FA2H: variants seen among roughly 807,000 people sequenced by gnomAD.
FA2H encodes fatty acid alpha-hydroxylase.
FA2H carries 22 observed loss-of-function variants against 44.9 expected under a neutral mutation model. The ratio of observed to expected loss-of-function variants is 0.49; its 90% CI spans 0.35 to 0.70. The LOEUF is 0.70. Ranked by LOEUF, FA2H falls within the 30% of genes least tolerant of loss-of-function variation. FA2H has a pLI of 0.01. For missense variants in FA2H, 501 were observed against 504.9 expected (o/e 0.99, Z 0.07); for synonymous variants, 243 against 213.2 (o/e 1.14, Z -1.22).
intron 6 of FA2H, 96 bp downstream of exon 6, chr16:74,716,251 G>A: frequency 1.4e-6 from 2 of 1,433,150 alleles, no homozygotes; most frequent in Admixed American, 1.8e-5. Context: ...CCCCGTACAT[G>A]GAACAGTGCC....
At chr16:74,740,192 A>C in intron 1 of FA2H, 77 bp from the exon 2 acceptor site, 1 of 1,207,082 alleles carries the variant, frequency 8.3e-7, no homozygotes, top group East Asian at 2.3e-5. Flanking sequence ...CCCCGAGAAG[A>C]GGCAGCCAGG....
intron 1 of FA2H, among the ~76,000 whole-genome samples, chr16:74,756,537 G>A (rs1222408395): frequency 5.9e-5 from 9 of 152,108 alleles, no homozygotes; most frequent in Admixed American, 5.9e-4. Flanking sequence ...ACAGGCTCCA[G>A]AATCACTCCC....
Position 74,716,549 on chromosome 16 carries a change from C to T in FA2H, c.837G>A (p.Leu279=). The change falls in exon 6 of 7, where the codon CTG becomes CTA. Residue 279 remains leucine, a synonymous_variant. Coordinates refer to ENST00000219368, the MANE Select transcript of FA2H (RefSeq NM_024306.5). ...RLVFPPVPAS[L]VIGVFYLCMQ... is the part of the protein sequence containing the mutation. ...TGCACAAGTAGAAGACGCCGATCAC[C>T]AGGGAGGCTGGCACAGGGGGGAAGA... 1 of 1,605,228 alleles carries T rather than the reference C, an allele frequency of 6.2e-7. No homozygotes were observed. Among genetic ancestry groups the T allele is most frequent in the Non-Finnish European group, 8.5e-7 (1 of 1,176,094 alleles).
chr16:74,714,263 C>T lies in FA2H; in HGVS notation c.1046G>A (p.Gly349Asp). The change falls in exon 7 of 7, where the codon GGT becomes GAT. Residue 349 changes from glycine (G) to aspartate (D), a missense_variant. Physicochemically the swap from Gly to Asp is moderately conservative, Grantham distance 94 (BLOSUM62 -1). Coordinates refer to ENST00000219368, the MANE Select transcript of FA2H (RefSeq NM_024306.5). The part of the protein sequence containing the change: ...HHFAHQKSGF[G>D]ISTKLWDYCF... Reference sequence around the variant, plus strand: ...GTAATCCCACAATTTAGTGCTGATACCAAATCCTAGAGAGGGAGACAAACG... The same window carrying T: ...GTAATCCCACAATTTAGTGCTGATATCAAATCCTAGAGAGGGAGACAAACG... 1 of 1,557,210 alleles carries T rather than the reference C, an allele frequency of 6.4e-7. No homozygotes were observed. Among genetic ancestry groups the T allele is most frequent in the Non-Finnish European group, 8.7e-7 (1 of 1,149,146 alleles).
intron 2 of FA2H, among the ~76,000 whole-genome samples, chr16:74,733,021 G>A (rs1004134759): frequency 2.0e-5 from 3 of 152,198 alleles, no homozygotes; most frequent in Non-Finnish European, 4.4e-5. Context: ...CTGTACACAT[G>A]GTGGACTTGT....
chr16:74,713,440 A>C lies in FA2H; in HGVS notation c.*750T>G, dbSNP rs1402791643. On this transcript the variant is annotated 3_prime_UTR_variant, in exon 7 of 7. Transcript: ENST00000219368. ...TAGGGGCCTGAGCGGGGTGGAGGCCAAGAATGGCCAGGGACGGGGTGGGGC... is the reference window on the plus strand; with the variant it reads ...TAGGGGCCTGAGCGGGGTGGAGGCCCAGAATGGCCAGGGACGGGGTGGGGC... 1 of 152,294 alleles carries C rather than the reference A, an allele frequency of 6.6e-6. No individual in the cohort carries two copies. The allele number at this position is 152,294 out of a possible 1,614,324, so 9.4% of individuals were successfully genotyped here.
chr16:74,733,997 C>G (rs1962131324), intron 2 of FA2H, among the ~76,000 whole-genome samples: 1 of 152,226 alleles, frequency 6.6e-6, no homozygotes, highest in African/African-American at 2.4e-5. Flanking sequence ...GGGCACCACG[C>G]CCTTCCACCC....
intron 1 of FA2H, among the ~76,000 whole-genome samples, chr16:74,772,476 G>T (rs1314079542): frequency 6.6e-6 from 1 of 152,162 alleles, no homozygotes; most frequent in South Asian, 2.1e-4. Context: ...AATTCGTTTT[G>T]TTCATTGATA....
chr16:74,764,904 G>C (rs182369168), intron 1 of FA2H, among the ~76,000 whole-genome samples: 1 of 152,004 alleles, frequency 6.6e-6, no homozygotes, highest in Non-Finnish European at 1.5e-5. Context: ...CATGAGGACT[G>C]GGGGGGTCTT....
intron 1 of FA2H, among the ~76,000 whole-genome samples, chr16:74,753,139 C>T (rs1417455839): frequency 6.6e-6 from 1 of 152,224 alleles, no homozygotes; most frequent in Non-Finnish European, 1.5e-5. Context: ...TCACTGTAGC[C>T]ACACAGAATC....
intron 1 of FA2H, chr16:74,741,268 T>A (rs564795669): frequency 2.0e-5 from 3 of 152,222 alleles, no homozygotes; most frequent in Admixed American, 1.3e-4. Flanking sequence ...AAGCTGGGCA[T>A]TGGCCGGCGG....
rs1204169977 is a variant in FA2H at position 74,727,289 on chromosome 16, C to A, written c.461G>T (p.Arg154Leu). Residue 154 changes from arginine to leucine, a missense_variant, in exon 3 of 7, where the codon CGC becomes CTC. Transcript: ENST00000219368. Reference protein sequence around the residue: ...WVHQPVTRPIRLFHSDLIEGL... With the variant: ...WVHQPVTRPILLFHSDLIEGL... ...CTCAATGAGGTCTGAGTGGAAGAGG[C>A]GGATGGGCCTGGTCACCGGCTGGTG... 4 of 1,614,132 alleles carry A rather than the reference C, an allele frequency of 2.5e-6. No individual in the cohort carries two copies. The highest frequency in any genetic ancestry group is 3.4e-6 in the Non-Finnish European group (4 of 1,180,028).
chr16:74,730,877 G>A (rs1172319434), intron 2 of FA2H, among the ~76,000 whole-genome samples: 1 of 152,162 alleles, frequency 6.6e-6, no homozygotes, highest in African/African-American at 2.4e-5. Context: ...AACCGAGGCT[G>A]AGTAATCTGC....
intron 1 of FA2H, among the ~76,000 whole-genome samples, chr16:74,749,152 T>TC (rs1362759883): frequency 6.6e-6 from 1 of 152,080 alleles, no homozygotes. Context: ...CAGGGAGCAG[T>TC]CCCCTTCGAG....
At chr16:74,738,104 C>T (rs1715137526) in intron 2 of FA2H, among the ~76,000 whole-genome samples, 1 of 152,208 alleles carries the variant, frequency 6.6e-6, no homozygotes, top group African/African-American at 2.4e-5. Flanking sequence ...CACACCCGGG[C>T]AGGTGGGGGC....
intron 1 of FA2H, among the ~76,000 whole-genome samples, chr16:74,771,351 C>G (rs538695496): frequency 2.0e-5 from 3 of 151,862 alleles, no homozygotes; most frequent in African/African-American, 7.2e-5. Context: ...CCACCACGCC[C>G]AGCTAATTTT....
At chr16:74,755,878 TA>T (rs35281734) in intron 1 of FA2H, among the ~76,000 whole-genome samples, 6 of 151,530 alleles carry the variant, frequency 4.0e-5, no homozygotes, top group African/African-American at 9.7e-5. Context: ...TTCATATAGT[TA>T]AAAAAAAATC....
intron 1 of FA2H, among the ~76,000 whole-genome samples, chr16:74,763,156 T>A (rs1457554225): frequency 6.6e-6 from 1 of 152,224 alleles, no homozygotes; most frequent in South Asian, 2.1e-4. Flanking sequence ...CTTTGATCTT[T>A]GTGAGTAAAC....
At chr16:74,733,898 AGC>A (rs777377035) in intron 2 of FA2H, among the ~76,000 whole-genome samples, 2 of 152,206 alleles carry the variant, frequency 1.3e-5, no homozygotes, top group Non-Finnish European at 2.9e-5. Flanking sequence ...TCCCCAGGAA[AGC>A]GTCCTATGCC....
Sources: allele counts gnomAD v4.1 joint callset (sites outside exome capture counted in the v4.1 genomes callset), GRCh38; gene constraint gnomAD v4.1.1; transcripts MANE v1.5; gene names NCBI Gene and HGNC (gene_info 2026-07-23, HGNC 2026-07-21).